Variants in DTNA observed in about 807,000 individuals in gnomAD.
The protein encoded by DTNA is dystrobrevin alpha, also known as dystrophin-related protein 3.
DTNA carries 43 observed loss-of-function variants against 100.7 expected under a neutral mutation model. The ratio of observed to expected loss-of-function variants is 0.43; its 90% CI spans 0.33 to 0.55. The LOEUF (loss-of-function observed/expected upper bound fraction) is 0.55. Among genes scored for constraint, DTNA ranks in the 20% least tolerant of loss-of-function variants. DTNA has a pLI of 0.04. For synonymous variants in DTNA, 349 were observed against 347.9 expected, an observed-to-expected ratio of 1.00 and a Z score of -0.04; for missense variants, 798 against 953.9, an observed-to-expected ratio of 0.84 and a Z score of 2.15.
At chr18:34,629,369 A>G (rs2148060100) in intron 1 of DTNA, among the ~76,000 whole-genome samples, 1 of 152,344 alleles carries the variant, frequency 6.6e-6, no homozygotes, top group South Asian at 2.1e-4. Flanking sequence ...ACAAAGAGCC[A>G]GTAAGTGTGG....
chr18:34,888,427 A>C lies in DTNA; in HGVS notation c.*693A>C, dbSNP rs770762944. The C allele has an allele frequency of 7.8e-5, 77 of 985,708 alleles. No individual in the cohort carries two copies. The highest frequency in any genetic ancestry group is 9.2e-5 in the Non-Finnish European group (76 of 829,936). The allele number at this position is 985,708 out of a possible 1,614,324, so 61.1% of individuals were successfully genotyped here. On this transcript the variant is annotated 3_prime_UTR_variant, in exon 23 of 23. Coordinates refer to ENST00000444659, the MANE Select transcript of DTNA (RefSeq NM_001386795.1). Reference sequence around the variant, plus strand: ...CCAAGTCTCTGTGAGCAGTGACTTGAACCAAACACACCAGGAATAATCCAT... The same window carrying C: ...CCAAGTCTCTGTGAGCAGTGACTTGCACCAAACACACCAGGAATAATCCAT...
At chr18:34,765,883 AGTT>A in intron 2 of DTNA, 75 bp from the exon 3 acceptor site, 1 of 1,372,756 alleles carries the variant, frequency 7.3e-7, no homozygotes, top group Non-Finnish European at 1.0e-6. Flanking sequence ...TCATATCTAC[AGTT>A]GTTTTATTTG....
chr18:34,634,716 A>G (rs951956979), intron 1 of DTNA, among the ~76,000 whole-genome samples: 3 of 152,208 alleles, frequency 2.0e-5, no homozygotes, highest in African/African-American at 7.2e-5. Flanking sequence ...TTTAATTAAC[A>G]AATATAAATT....
At chr18:34,759,175 C>CA (rs916355605) in intron 2 of DTNA, among the ~76,000 whole-genome samples, 90 of 152,126 alleles carry the variant, frequency 5.9e-4, no homozygotes, top group African/African-American at 2.1e-3. Flanking sequence ...AACAAAAAAA[C>CA]AAAAAAACCC....
chr18:34,795,212 A>C (rs1476524402), intron 4 of DTNA, among the ~76,000 whole-genome samples: 1 of 152,146 alleles, frequency 6.6e-6, no homozygotes, highest in African/African-American at 2.4e-5. Context: ...GCCTGGAAGT[A>C]TTTACCCCCG....
chr18:34,616,008 T>G (rs2055202262), intron 1 of DTNA, among the ~76,000 whole-genome samples: 1 of 152,196 alleles, frequency 6.6e-6, no homozygotes, highest in Admixed American at 6.5e-5. Flanking sequence ...CCTAGGTTGA[T>G]TTCATGTCTT....
intron 18 of DTNA, among the ~76,000 whole-genome samples, chr18:34,877,175 G>C (rs1235985846): frequency 1.3e-5 from 2 of 152,164 alleles, no homozygotes; most frequent in African/African-American, 2.4e-5. Context: ...AGTGCATGTG[G>C]GTTTCCCATT....
chr18:34,626,366 A>G (rs1254095976), intron 1 of DTNA, among the ~76,000 whole-genome samples: 1 of 152,192 alleles, frequency 6.6e-6, no homozygotes, highest in Non-Finnish European at 1.5e-5. Context: ...ACCAAAGTGG[A>G]AATGCTCCAT....
chr18:34,835,424 A>G (rs1450182904), intron 11 of DTNA, among the ~76,000 whole-genome samples: 1 of 152,234 alleles, frequency 6.6e-6, no homozygotes, highest in Non-Finnish European at 1.5e-5. Flanking sequence ...AAATGACAAC[A>G]AAAGTTAAGA....
intron 1 of DTNA, among the ~76,000 whole-genome samples, chr18:34,581,399 T>G (rs1309902793): frequency 1.3e-5 from 2 of 152,228 alleles, no homozygotes; most frequent in Non-Finnish European, 2.9e-5. Context: ...AATTCTTCTA[T>G]CCAAGAAAAG....
chr18:34,830,170 A>G (rs1202206878), intron 11 of DTNA, among the ~76,000 whole-genome samples: 1 of 152,298 alleles, frequency 6.6e-6, no homozygotes, highest in South Asian at 2.1e-4. Flanking sequence ...AACAGAACCA[A>G]AGAAATATGA....
chr18:34,609,901 A>G (rs1348486783), intron 1 of DTNA, among the ~76,000 whole-genome samples: 1 of 152,210 alleles, frequency 6.6e-6, no homozygotes, highest in Non-Finnish European at 1.5e-5. Context: ...TTAACAAACC[A>G]ATTAATTAGC....
At chr18:34,597,177 T>A (rs186198999) in intron 1 of DTNA, among the ~76,000 whole-genome samples, 10 of 152,290 alleles carry the variant, frequency 6.6e-5, no homozygotes, top group Admixed American at 2.0e-4. Flanking sequence ...GCAAAGGACA[T>A]GAACACATTC....
intron 1 of DTNA, among the ~76,000 whole-genome samples, chr18:34,727,505 A>C (rs549483984): frequency 2.0e-5 from 3 of 152,278 alleles, no homozygotes; most frequent in South Asian, 4.1e-4. Flanking sequence ...AATGCCCAAC[A>C]ATGAAGAACA....
At chr18:34,735,449 C>A (rs1322242658) in intron 1 of DTNA, among the ~76,000 whole-genome samples, 7 of 152,200 alleles carry the variant, frequency 4.6e-5, no homozygotes, top group Non-Finnish European at 1.0e-4. Flanking sequence ...AGTGTGGCAA[C>A]CTTATATGCC....
At chr18:34,739,746 C>T (rs577296727) in intron 1 of DTNA, among the ~76,000 whole-genome samples, 2 of 152,286 alleles carry the variant, frequency 1.3e-5, no homozygotes, top group East Asian at 3.9e-4. Flanking sequence ...CTGGCTTTGG[C>T]TTTGCTGTTT....
At chr18:34,650,521 AC>A (rs1224682627) in intron 1 of DTNA, among the ~76,000 whole-genome samples, 9 of 152,246 alleles carry the variant, frequency 5.9e-5, no homozygotes, top group Non-Finnish European at 1.0e-4. Flanking sequence ...CTTTTTCGAC[AC>A]TGTTAATCAT....
At chr18:34,762,186 T>G (rs1435286739) in intron 2 of DTNA, among the ~76,000 whole-genome samples, 3 of 152,228 alleles carry the variant, frequency 2.0e-5, no homozygotes, top group Non-Finnish European at 4.4e-5. Context: ...TTAAGTCAGC[T>G]AATACGCTTT....
chr18:34,550,499 G>A (rs2045293755), intron 1 of DTNA, among the ~76,000 whole-genome samples: 2 of 152,126 alleles, frequency 1.3e-5, no homozygotes, highest in Admixed American at 6.6e-5. Context: ...GTGAGCAGGT[G>A]AATCGACACA....
Sources: gnomAD v4.1 joint callset for allele counts (sites outside exome capture counted in the v4.1 genomes callset) on GRCh38, gnomAD v4.1.1 for gene constraint, MANE v1.5 for transcripts, NCBI Gene and HGNC (gene_info 2026-07-23, HGNC 2026-07-21) for gene names.